DMKN: variants seen among roughly 807,000 people sequenced by gnomAD.
DMKN encodes dermokine, also known as epidermis-specific secreted protein SK30/SK89.
Under a neutral mutation model 67.6 loss-of-function variants are expected in DMKN, and 58 were observed. That is an observed-to-expected ratio of 0.86 (90% CI 0.69 to 1.07). DMKN has a LOEUF of 1.07. DMKN is among the 50% of genes least tolerant of loss of function. The pLI, the probability that DMKN is intolerant of heterozygous loss-of-function variation, is 0.00. For synonymous variants in DMKN, 240 were observed against 232.3 expected (o/e 1.03, Z -0.30); for missense variants, 596 against 601.5 (o/e 0.99, Z 0.10).
At chr19:35,500,288 C>G in intron 12 of DMKN, 1 of 1,495,504 alleles carries the variant, frequency 6.7e-7, no homozygotes, top group Non-Finnish European at 9.0e-7. Flanking sequence ...CCTCTGCCAA[C>G]TCTTCAAGTG....
At chr19:35,512,928 A>C in intron 1 of DMKN, 122 bp downstream of exon 1, 3 of 1,519,424 alleles carry the variant, frequency 2.0e-6, no homozygotes, top group East Asian at 4.6e-5. Context: ...CAGAACATAG[A>C]AGGAAGCTGC....
intron 6 of DMKN, 78 bp downstream of exon 6, chr19:35,510,106 T>TC: frequency 4.5e-6 from 7 of 1,563,536 alleles, no homozygotes; most frequent in Non-Finnish European, 5.2e-6. Flanking sequence ...GAGCCTTGGC[T>TC]CCCCGATCCT....
intron 7 of DMKN, among the ~76,000 whole-genome samples, chr19:35,509,143 C>T (rs1274873945): frequency 6.6e-6 from 1 of 152,098 alleles, no homozygotes. Context: ...ATCGCTTGAA[C>T]CCAGGAGGTG....
rs764267042 is a variant in DMKN, at chr19:35,498,896, C to A, written c.1361G>T (p.Gly454Val). ...GKYSVKTPAK[G>V]GVSPSSSASR... ...CACCGAGGAAGAAGGTGAGACTCCC[C>A]CCTGCAAAAAGATCAAAGGAAAGTG... The change falls in exon 14 of 16, where the codon GGG becomes GTG. Residue 454 changes from glycine (G) to valine (V), a missense_variant and splice_region_variant. Physicochemically the swap from Gly to Val is moderately radical, Grantham distance 109 (BLOSUM62 -3). Transcript: ENST00000339686. The A allele has an allele frequency of 1.9e-6, 3 of 1,614,132 alleles. No individual in the cohort carries two copies. The highest frequency in any genetic ancestry group is 2.2e-5 in the East Asian group (1 of 44,884).
Position 35,511,674 on chromosome 19 carries a change from G to C in DMKN, c.736-81C>G, listed in dbSNP as rs189545227. The C allele has an allele frequency of 1.1e-3, 1,828 of 1,592,510 alleles. 18 individuals are homozygous for C. In the African/African-American group the frequency reaches 0.016, roughly 14 times the overall value. On this transcript the variant is annotated intron_variant, in intron 4 of 15. Transcript: ENST00000339686. ...CCCTCCTCCCTCCCTCTCCACCCAGGCCATATTCCATGATGCCCAGTCTAA... is the reference window on the plus strand; with the variant it reads ...CCCTCCTCCCTCCCTCTCCACCCAGCCCATATTCCATGATGCCCAGTCTAA...
At chr19:35,502,741 T>G in intron 10 of DMKN, 89 bp downstream of exon 10, 1 of 1,368,214 alleles carries the variant, frequency 7.3e-7, no homozygotes, top group Admixed American at 1.8e-5. Flanking sequence ...AACAGGTGGT[T>G]GGAGCAGAGG....
At position 35,513,249 on chromosome 19, in the gene DMKN, C is replaced by T. The variant is rs1266452095; in HGVS notation, c.227G>A (p.Arg76Lys). 3.1e-6 allele frequency: 5 copies of T among 1,614,168 alleles called. No individual in the cohort carries two copies. The highest frequency in any genetic ancestry group is 4.2e-6 in the Non-Finnish European group (5 of 1,180,066). The change falls in exon 1 of 16, where the codon AGA becomes AAA. Residue 76 changes from arginine to lysine, a missense_variant. Coordinates refer to ENST00000339686, the MANE Select transcript of DMKN (RefSeq NM_033317.5). Reference sequence around the variant, plus strand: ...CCTGACTCCAGTGCCAACTGCTTCTCTGGTCCCTTGGCCAAGGGCCTCACT... The same window carrying T: ...CCTGACTCCAGTGCCAACTGCTTCTTTGGTCCCTTGGCCAAGGGCCTCACT... Reference protein sequence around the residue: ...KVSEALGQGTREAVGTGVRQV... With the variant: ...KVSEALGQGTKEAVGTGVRQV...
chr19:35,512,598 T>C lies in DMKN; in HGVS notation c.619A>G (p.Asn207Asp), dbSNP rs774894095. 1.2e-6 allele frequency: 2 copies of C among 1,614,144 alleles called. No homozygotes were observed. The highest frequency in any genetic ancestry group is 8.5e-7 in the Non-Finnish European group (1 of 1,180,000). ...GNGGPPNFGT[N>D]TQGAVAQPGY... ...TCTGGGGGTGACTTTACCTGAGTGT[T>C]GGTCCCAAAGTTTGGTGGCCCTCCA... Residue 207 changes from asparagine to aspartate, a missense_variant, in exon 2 of 16, where the codon AAC becomes GAC. Coordinates refer to ENST00000339686, the MANE Select transcript of DMKN (RefSeq NM_033317.5).
At chr19:35,509,880 C>T in intron 7 of DMKN, 31 bp downstream of exon 7, 3 of 1,613,726 alleles carry the variant, frequency 1.9e-6, no homozygotes, top group African/African-American at 1.3e-5. Flanking sequence ...AACTGCAGTC[C>T]CCAGGAGACT....
At chr19:35,503,183 G>T in intron 9 of DMKN, 1 of 1,358,972 alleles carries the variant, frequency 7.4e-7, no homozygotes, top group Non-Finnish European at 9.7e-7. Flanking sequence ...GCCTCAGAGT[G>T]TCCCCTTTCC....
chr19:35,504,242 G>T (rs945933708), intron 9 of DMKN, among the ~76,000 whole-genome samples: 4 of 152,068 alleles, frequency 2.6e-5, no homozygotes, highest in Non-Finnish European at 5.9e-5. Flanking sequence ...AGTTCCCTGT[G>T]ACCCAGGAAA....
At chr19:35,502,933 C>G (rs777104075) in intron 9 of DMKN, 47 bp from the exon 10 acceptor site, 1 of 1,576,608 alleles carries the variant, frequency 6.3e-7, no homozygotes, top group African/African-American at 1.3e-5. Context: ...CCTGGGCCCA[C>G]TCACCCACCC....
Position 35,505,771 on chromosome 19 carries a change from G to C in DMKN, c.1087-6C>G. 2.5e-6 allele frequency: 4 copies of C among 1,614,148 alleles called. No individual in the cohort carries two copies. Among genetic ancestry groups the C allele is most frequent in the Non-Finnish European group, 3.4e-6 (4 of 1,180,038 alleles). ...CCCAGCTTGGATTTAAAATTCTATG[G>C]AGGAAACAAAAAGAAGAATGGCCAA... On this transcript the variant is annotated splice_region_variant and splice_polypyrimidine_tract_variant and intron_variant, in intron 8 of 15. Coordinates refer to ENST00000339686, the MANE Select transcript of DMKN (RefSeq NM_033317.5).
chr19:35,510,128 C>T, intron 6 of DMKN, 56 bp downstream of exon 6: 1 of 1,571,160 alleles, frequency 6.4e-7, no homozygotes, highest in South Asian at 1.2e-5. Context: ...CGAGTGAAAC[C>T]AGCTGCTCTC....
At chr19:35,511,926 CTAA>C in intron 3 of DMKN, 113 bp from the exon 4 acceptor site, 1 of 1,248,152 alleles carries the variant, frequency 8.0e-7, no homozygotes, top group Non-Finnish European at 1.1e-6. Context: ...TTCCTTTCTC[CTAA>C]TGTGTTTCTC....
chr19:35,506,711 A>G lies in DMKN; in HGVS notation c.1039-725T>C, dbSNP rs2069608603. On this transcript the variant is annotated intron_variant, in intron 7 of 15. Coordinates refer to ENST00000339686, the MANE Select transcript of DMKN (RefSeq NM_033317.5). ...TGATAGAGCTGGTGGTGATTTTAAT[A>G]TATATCTTAAATTTTTTTGAGGCTG... 3 of 337,982 alleles carry G rather than the reference A, an allele frequency of 8.9e-6. No individual in the cohort carries two copies. The Admixed American group carries it at 1.1e-4, about 12-fold the overall frequency. 20.9% of individuals were successfully genotyped at this position (337,982 alleles called of 1,614,324 possible).
At position 35,502,264 on chromosome 19, in the gene DMKN, G is replaced by C; in HGVS notation, c.1192-81C>G. 8 of 1,420,652 alleles carry C rather than the reference G, an allele frequency of 5.6e-6. 1 individual carries two copies. In the South Asian group the frequency reaches 9.2e-5, roughly 16 times the overall value. 88.0% of individuals were successfully genotyped at this position (1,420,652 alleles called of 1,614,324 possible). On this transcript the variant is annotated intron_variant, in intron 10 of 15. Coordinates refer to ENST00000339686, the MANE Select transcript of DMKN (RefSeq NM_033317.5). ...TATGCAGCAAATTGGGGGGATTCCA[G>C]ATCTCGGGTAGGAAGGAGCTTTTGG...
chr19:35,506,655 A>T, intron 7 of DMKN: 1 of 441,952 alleles, frequency 2.3e-6, no homozygotes, highest in South Asian at 1.6e-5. Context: ...CGGAGAGGTT[A>T]GCTGACTTGC....
intron 7 of DMKN, chr19:35,506,333 A>C: frequency 1.3e-6 from 1 of 767,464 alleles, no homozygotes; most frequent in South Asian, 1.8e-5. Flanking sequence ...TTCCTTACAC[A>C]GCACCAAAAA....
Sources: allele counts gnomAD v4.1 joint callset (sites outside exome capture counted in the v4.1 genomes callset), GRCh38; gene constraint gnomAD v4.1.1; transcripts MANE v1.5; gene names NCBI Gene and HGNC (gene_info 2026-07-23, HGNC 2026-07-21).